EEA1: variants seen among roughly 807,000 people sequenced by gnomAD.
EEA1 encodes early endosome antigen 1, also known as early endosome antigen 1, 162kD.
EEA1 carries 111 observed loss-of-function variants against 209.2 expected under a neutral mutation model. The observed-to-expected ratio is 0.53, with a 90% confidence interval of 0.45 to 0.62. The LOEUF (loss-of-function observed/expected upper bound fraction) is 0.62, where lower values mean the gene tolerates loss of function less well. Ranked by LOEUF, EEA1 falls within the 20% of genes least tolerant of loss-of-function variation. The pLI, the probability that EEA1 is intolerant of heterozygous loss-of-function variation, is 0.00. For synonymous variants in EEA1, 536 were observed against 540.6 expected, an observed-to-expected ratio of 0.99 and a Z score of 0.12; for missense variants, 1,343 against 1,530.8, an observed-to-expected ratio of 0.88 and a Z score of 2.05.
chr12:92,816,425 T>C, intron 14 of EEA1, 25 bp from the exon 15 acceptor site: 1 of 1,600,290 alleles, frequency 6.2e-7, no homozygotes, highest in East Asian at 2.2e-5. Context: ...AGACTAATCG[T>C]GAAGTTCACA....
chr12:92,874,926 A>C (rs1021318191), intron 2 of EEA1, among the ~76,000 whole-genome samples: 1 of 152,222 alleles, frequency 6.6e-6, no homozygotes, highest in Non-Finnish European at 1.5e-5. Context: ...ATTATACAAC[A>C]TACATATGTA....
intron 2 of EEA1, among the ~76,000 whole-genome samples, chr12:92,866,396 A>C (rs1408274101): frequency 6.6e-6 from 1 of 151,986 alleles, no homozygotes; most frequent in Non-Finnish European, 1.5e-5. Flanking sequence ...CAAAAATAAA[A>C]TGGAATGTGT....
Position 92,853,003 on chromosome 12 carries a change from T to G in EEA1, c.429A>C (p.Gln143His). Residue 143 changes from glutamine to histidine, a missense_variant, in exon 7 of 29, where the codon CAA becomes CAC. This residue lies in a region of EEA1 where 1,307 missense variants were observed against 1,465.5 expected (regional missense o/e 0.89). Transcript: ENST00000322349. ...AATTTTCTGTTTGGGCTTCTTCTAA[T>G]TGCTGTTCCAAAGACTGTAGTTCTA... ...SSAELQSLEQ[Q>H]LEEAQTENFN... 6.2e-7 allele frequency: 1 copy of G among 1,609,868 alleles called. No homozygotes were observed.
At chr12:92,805,302 A>G (rs1198927429) in intron 18 of EEA1, among the ~76,000 whole-genome samples, 2 of 152,156 alleles carry the variant, frequency 1.3e-5, no homozygotes, top group Admixed American at 1.3e-4. Flanking sequence ...TCCGATTCAA[A>G]GCATCAGGAC....
intron 9 of EEA1, among the ~76,000 whole-genome samples, chr12:92,843,548 G>A (rs566460075): frequency 1.7e-4 from 26 of 152,204 alleles, no homozygotes; most frequent in African/African-American, 6.3e-4. Context: ...GGTAAGCAAA[G>A]ATCTTGGAAA....
chr12:92,901,135 C>T (rs972790179), intron 1 of EEA1, among the ~76,000 whole-genome samples: 4 of 152,156 alleles, frequency 2.6e-5, no homozygotes, highest in Admixed American at 2.6e-4. Flanking sequence ...TTTCTGTTTC[C>T]TTTATTTTTC....
At chr12:92,840,559 G>A (rs375406853) in intron 10 of EEA1, among the ~76,000 whole-genome samples, 13 of 152,306 alleles carry the variant, frequency 8.5e-5, no homozygotes, top group South Asian at 4.1e-4. Flanking sequence ...TGATTTGCCC[G>A]CCTTGGCCTC....
chr12:92,828,859 A>G (rs1355475297), intron 11 of EEA1, among the ~76,000 whole-genome samples: 1 of 152,010 alleles, frequency 6.6e-6, no homozygotes, highest in African/African-American at 2.4e-5. Context: ...AACCTATCCG[A>G]TATTCCCAAT....
chr12:92,901,849 A>G (rs532154487), intron 1 of EEA1, among the ~76,000 whole-genome samples: 22 of 152,210 alleles, frequency 1.4e-4, no homozygotes, highest in Admixed American at 1.0e-3. Context: ...GATTACAGGC[A>G]TGAGCCACCG....
In EEA1 at chr12:92,774,286, T is replaced by C. The variant is rs1873562733; in HGVS notation, c.*1725A>G. On this transcript the variant is annotated 3_prime_UTR_variant, in exon 29 of 29. Coordinates refer to ENST00000322349, the MANE Select transcript of EEA1 (RefSeq NM_003566.4). ...TGTTTATCCAAGTCCAGGGACTTAATCAATGTTCTTAATAGCTAATGACAA... is the reference window on the plus strand; with the variant it reads ...TGTTTATCCAAGTCCAGGGACTTAACCAATGTTCTTAATAGCTAATGACAA... The C allele has an allele frequency of 6.6e-6, 1 of 151,530 alleles. No homozygotes were observed. Among genetic ancestry groups the C allele is most frequent in the Non-Finnish European group, 1.5e-5 (1 of 67,558 alleles). The allele number at this position is 151,530 out of a possible 1,614,324, so 9.4% of individuals were successfully genotyped here.
chr12:92,862,677 GA>G lies in EEA1; in HGVS notation c.245+2182del, dbSNP rs930961709. ...AAGATAGAGAGCCAACTATAAATAT[GA>G]AAAAACATTTCTGAGTGAGATTTAA... On this transcript the variant is annotated intron_variant, in intron 3 of 28. Transcript: ENST00000322349. Among the ~76,000 whole-genome samples, 3 of 151,980 alleles carry G rather than the reference GA, an allele frequency of 2.0e-5. No individual in the cohort carries two copies. The East Asian group carries it at 5.8e-4, about 29-fold the overall frequency.
At chr12:92,828,527 C>T (rs1876429576) in intron 11 of EEA1, among the ~76,000 whole-genome samples, 1 of 151,634 alleles carries the variant, frequency 6.6e-6, no homozygotes. Flanking sequence ...GTGCCCAGTG[C>T]ATTCCCAAGT....
intron 1 of EEA1, among the ~76,000 whole-genome samples, chr12:92,899,168 G>A (rs1287373760): frequency 6.6e-6 from 1 of 151,340 alleles, no homozygotes. Context: ...GATATGAGGG[G>A]TCTCCATTTG....
intron 20 of EEA1, among the ~76,000 whole-genome samples, chr12:92,799,395 T>C (rs1874800235): frequency 6.6e-6 from 1 of 152,216 alleles, no homozygotes; most frequent in South Asian, 2.1e-4. Context: ...AATTGTATAG[T>C]TACAGCTTGT....
intron 3 of EEA1, among the ~76,000 whole-genome samples, chr12:92,860,286 GCCTGAGTACT>G (rs1878082344): frequency 6.6e-6 from 1 of 152,034 alleles, no homozygotes; most frequent in African/African-American, 2.4e-5. Flanking sequence ...TTATAAGAAA[GCCTGAGTACT>G]CCACACTGCA....
rs142208633 is a variant in EEA1 at position 92,832,647 on chromosome 12, A to G, written c.1119T>C (p.Ala373=). ...ATAATTCTTCTTTGAGCTTTTGAGT[A>G]GCTTCTCCTTTTTCACTTAGTTCTA... The part of the protein sequence containing the change: ...IHVELSEKGE[A]TQKLKEELSE... Residue 373 remains alanine, a synonymous_variant, in exon 11 of 29, where the codon GCT becomes GCC. Transcript: ENST00000322349. 579 of 1,613,986 alleles carry G rather than the reference A, an allele frequency of 3.6e-4. 4 individuals carry two copies. In the African/African-American group the frequency reaches 7.3e-3, roughly 20 times the overall value.
At chr12:92,880,666 G>C (rs1012798838) in intron 2 of EEA1, among the ~76,000 whole-genome samples, 1 of 152,040 alleles carries the variant, frequency 6.6e-6, no homozygotes, top group Non-Finnish European at 1.5e-5. Flanking sequence ...TAGTAGAGAC[G>C]GGGTTTCACA....
chr12:92,834,024 T>C (rs1165876208), intron 10 of EEA1, among the ~76,000 whole-genome samples: 1 of 152,094 alleles, frequency 6.6e-6, no homozygotes, highest in Non-Finnish European at 1.5e-5. Context: ...ATCTGCTCTA[T>C]ATAAATGTAT....
intron 2 of EEA1, among the ~76,000 whole-genome samples, chr12:92,880,598 G>C (rs963832358): frequency 7.2e-5 from 11 of 151,854 alleles, no homozygotes; most frequent in Admixed American, 7.2e-4. Context: ...CCTCAGCCTC[G>C]CGAGTAGCTG....
Sources: allele counts gnomAD v4.1 joint callset (sites outside exome capture counted in the v4.1 genomes callset), GRCh38; gene constraint gnomAD v4.1.1; regional missense constraint gnomAD v4.1.1; transcripts MANE v1.5; gene names NCBI Gene and HGNC (gene_info 2026-07-23, HGNC 2026-07-21).